FOXO1: variants seen among roughly 807,000 people sequenced by gnomAD.
FOXO1 encodes forkhead box protein O1.
FOXO1 carries 6 observed loss-of-function variants against 44.1 expected under a neutral mutation model. That is an observed-to-expected ratio of 0.14 (90% CI 0.07 to 0.27). The LOEUF (loss-of-function observed/expected upper bound fraction) is 0.27. FOXO1 is among the 10% of genes least tolerant of loss of function. FOXO1 has a pLI of 1.00. For synonymous variants in FOXO1, 380 were observed against 362.7 expected (o/e 1.05, Z -0.54); for missense variants, 737 against 888.8 (o/e 0.83, Z 2.17).
intron 1 of FOXO1, among the ~76,000 whole-genome samples, chr13:40,571,476 C>T (rs1010008866): frequency 1.3e-5 from 2 of 152,152 alleles, no homozygotes; most frequent in Non-Finnish European, 2.9e-5. Flanking sequence ...GCAGTTACCC[C>T]TGGGGACCCT....
intron 1 of FOXO1, chr13:40,618,630 G>T: frequency 2.9e-6 from 1 of 345,460 alleles, no homozygotes; most frequent in East Asian, 7.2e-5. Flanking sequence ...ATTTGAGTTG[G>T]GAAGAGATGG....
At position 40,559,054 on chromosome 13, in the gene FOXO1, TACGCACACACAC is replaced by T; in HGVS notation, c.*15-32_*15-21del. ...TGTAACCTAGGAAAAAACACATACATACGCACACACACATACACACACAATGAAAATATAGCC... is the reference window on the plus strand; with the variant it reads ...TGTAACCTAGGAAAAAACACATACATATACACACACAATGAAAATATAGCC... On this transcript the variant is annotated intron_variant, in intron 2 of 2. Transcript: ENST00000379561. 2.5e-6 allele frequency: 1 copy of T among 397,714 alleles called. No homozygotes were observed. Among genetic ancestry groups the T allele is most frequent in the Non-Finnish European group, 4.4e-6 (1 of 225,934 alleles). 24.6% of individuals were successfully genotyped at this position (397,714 alleles called of 1,614,324 possible). A position where few individuals can be genotyped will look rare whatever the true frequency, so the allele number is the denominator to read the frequency against.
intron 1 of FOXO1, among the ~76,000 whole-genome samples, chr13:40,653,465 G>A (rs1877751224): frequency 6.6e-6 from 1 of 152,110 alleles, no homozygotes; most frequent in Non-Finnish European, 1.5e-5. Context: ...AATTAAAAAA[G>A]GAAAACCAAT....
intron 1 of FOXO1, among the ~76,000 whole-genome samples, chr13:40,605,620 T>C (rs1247540539): frequency 6.6e-6 from 1 of 152,154 alleles, no homozygotes; most frequent in Non-Finnish European, 1.5e-5. Flanking sequence ...CCTCAGCCTG[T>C]TGAAATTCTA....
At chr13:40,601,180 T>C (rs1284037101) in intron 1 of FOXO1, among the ~76,000 whole-genome samples, 1 of 152,220 alleles carries the variant, frequency 6.6e-6, no homozygotes, top group Non-Finnish European at 1.5e-5. Flanking sequence ...GCCCAGTCTT[T>C]GAAGGATATT....
chr13:40,566,957 A>T (rs1365861201), intron 1 of FOXO1, among the ~76,000 whole-genome samples: 1 of 152,008 alleles, frequency 6.6e-6, no homozygotes, highest in Non-Finnish European at 1.5e-5. Flanking sequence ...GAAAAAAGAG[A>T]CCTGGTCCCA....
chr13:40,565,823 T>C (rs1305508004), intron 1 of FOXO1, among the ~76,000 whole-genome samples: 1 of 152,248 alleles, frequency 6.6e-6, no homozygotes, highest in Admixed American at 6.5e-5. Flanking sequence ...GTCTGTGTTT[T>C]ACAGACCTAT....
chr13:40,645,225 A>C (rs1305652796), intron 1 of FOXO1, among the ~76,000 whole-genome samples: 1 of 152,214 alleles, frequency 6.6e-6, no homozygotes, highest in Non-Finnish European at 1.5e-5. Flanking sequence ...ATATATCCAG[A>C]CTATCAGCTG....
At chr13:40,636,000 G>A (rs568298240) in intron 1 of FOXO1, among the ~76,000 whole-genome samples, 7 of 152,248 alleles carry the variant, frequency 4.6e-5, no homozygotes, top group African/African-American at 1.4e-4. Context: ...ACCTGAGGTC[G>A]GGAGTTCGAA....
chr13:40,636,229 A>G (rs1181190063), intron 1 of FOXO1, among the ~76,000 whole-genome samples: 3 of 152,016 alleles, frequency 2.0e-5, no homozygotes, highest in Non-Finnish European at 2.9e-5. Context: ...AAAACAAAAA[A>G]CAAAAAACAA....
At chr13:40,638,045 C>G (rs2137919743) in intron 1 of FOXO1, among the ~76,000 whole-genome samples, 1 of 152,308 alleles carries the variant, frequency 6.6e-6, no homozygotes, top group African/African-American at 2.4e-5. Context: ...AGTGATATGT[C>G]TACCCACTTA....
intron 1 of FOXO1, among the ~76,000 whole-genome samples, chr13:40,569,366 G>GCATGATATA (rs1191812065): frequency 6.6e-6 from 1 of 152,174 alleles, no homozygotes; most frequent in Non-Finnish European, 1.5e-5. Context: ...TGTACGGATG[G>GCATGATATA]CATGATATAC....
intron 1 of FOXO1, among the ~76,000 whole-genome samples, chr13:40,627,790 G>C (rs554116817): frequency 6.6e-6 from 1 of 150,664 alleles, no homozygotes; most frequent in East Asian, 1.9e-4. Flanking sequence ...CCAAGATCGC[G>C]CCATTGCACT....
At chr13:40,589,036 C>T (rs1875276268) in intron 1 of FOXO1, among the ~76,000 whole-genome samples, 1 of 152,066 alleles carries the variant, frequency 6.6e-6, no homozygotes, top group Non-Finnish European at 1.5e-5. Flanking sequence ...ATCCAGCAGG[C>T]AGAGGTTGCA....
chr13:40,564,927 T>C (rs936291073), intron 1 of FOXO1, among the ~76,000 whole-genome samples: 1 of 123,904 alleles, frequency 8.1e-6, no homozygotes, highest in Non-Finnish European at 1.6e-5. Context: ...CCTGACCCAA[T>C]GAGCTCCACA....
chr13:40,664,560 T>C (rs534575487), intron 1 of FOXO1, among the ~76,000 whole-genome samples: 3 of 151,994 alleles, frequency 2.0e-5, no homozygotes, highest in African/African-American at 4.8e-5. Context: ...CCTCAAAACA[T>C]TGGTCGCAAA....
intron 1 of FOXO1, among the ~76,000 whole-genome samples, chr13:40,638,447 G>C (rs1192033586): frequency 6.6e-6 from 1 of 152,122 alleles, no homozygotes; most frequent in Non-Finnish European, 1.5e-5. Context: ...CATTGTGTGT[G>C]AGAAACTAAA....
intron 1 of FOXO1, among the ~76,000 whole-genome samples, chr13:40,664,723 T>C (rs1172406547): frequency 6.6e-6 from 1 of 152,084 alleles, no homozygotes; most frequent in Non-Finnish European, 1.5e-5. Context: ...CTTCCCCGCA[T>C]GGAGAAACGC....
At chr13:40,583,731 T>C (rs1041715403) in intron 1 of FOXO1, among the ~76,000 whole-genome samples, 1 of 152,254 alleles carries the variant, frequency 6.6e-6, no homozygotes, top group Non-Finnish European at 1.5e-5. Context: ...TGTGACTGTT[T>C]TGATCTTCTA....
Sources: allele counts gnomAD v4.1 joint callset (sites outside exome capture counted in the v4.1 genomes callset), GRCh38; gene constraint gnomAD v4.1.1; transcripts MANE v1.5; gene names NCBI Gene and HGNC (gene_info 2026-07-23, HGNC 2026-07-21).